Variants in OSTN observed in about 807,000 individuals in gnomAD.
OSTN encodes the protein osteocrin.
Under a neutral mutation model 12.0 loss-of-function variants are expected in OSTN, and 9 were observed. That is an observed-to-expected ratio of 0.75 (90% CI 0.45 to 1.30). The LOEUF (loss-of-function observed/expected upper bound fraction) is 1.30, where lower values mean the gene tolerates loss of function less well. Among genes scored for constraint, OSTN ranks in the 50% most tolerant of loss-of-function variants. The pLI is 0.00. For missense variants in OSTN, 148 were observed against 152.3 expected (o/e 0.97, Z 0.15); for synonymous variants, 59 against 56.9 (o/e 1.04, Z -0.16).
At chr3:191,228,099 G>C (rs1576930034) in intron 3 of OSTN, among the ~76,000 whole-genome samples, 1 of 152,106 alleles carries the variant, frequency 6.6e-6, no homozygotes, top group East Asian at 1.9e-4. Context: ...AAAATGGTTT[G>C]TAATTGATGA....
intron 4 of OSTN, among the ~76,000 whole-genome samples, chr3:191,252,252 A>T (rs1346809110): frequency 6.6e-6 from 1 of 152,120 alleles, no homozygotes; most frequent in Non-Finnish European, 1.5e-5. Context: ...TTTTTAGTAG[A>T]TATGGGGTTT....
chr3:191,203,212 G>T (rs946772750), intron 1 of OSTN, among the ~76,000 whole-genome samples: 1 of 152,140 alleles, frequency 6.6e-6, no homozygotes, highest in African/African-American at 2.4e-5. Context: ...TTCCACATAA[G>T]GCTGCTCCAT....
At chr3:191,256,850 C>A (rs565176972) in intron 4 of OSTN, among the ~76,000 whole-genome samples, 91 of 151,956 alleles carry the variant, frequency 6.0e-4, no homozygotes, top group African/African-American at 2.1e-3. Context: ...TAAAACAATC[C>A]TTAAAACCTC....
intron 4 of OSTN, among the ~76,000 whole-genome samples, chr3:191,260,599 A>T (rs1715784425): frequency 6.6e-6 from 1 of 152,140 alleles, no homozygotes; most frequent in Admixed American, 6.6e-5. Flanking sequence ...TATGGACAGG[A>T]CTTCTTATGA....
At chr3:191,241,234 A>G (rs544783622) in intron 3 of OSTN, among the ~76,000 whole-genome samples, 81 of 120,608 alleles carry the variant, frequency 6.7e-4, no homozygotes, top group African/African-American at 2.4e-3. Context: ...GCTGGAGTGC[A>G]GTGGCGCGAT....
intron 2 of OSTN, among the ~76,000 whole-genome samples, chr3:191,213,861 G>A (rs1714530701): frequency 6.6e-6 from 1 of 151,884 alleles, no homozygotes; most frequent in Non-Finnish European, 1.5e-5. Context: ...AGGATGCTTG[G>A]AAAGATAAAA....
At chr3:191,215,985 C>G (rs1484840489) in intron 2 of OSTN, among the ~76,000 whole-genome samples, 1 of 152,224 alleles carries the variant, frequency 6.6e-6, no homozygotes, top group Non-Finnish European at 1.5e-5. Flanking sequence ...CTCTTCTGCA[C>G]TGTCCTAGCA....
At chr3:191,200,120 A>G (rs1460086586) in intron 1 of OSTN, among the ~76,000 whole-genome samples, 1 of 152,172 alleles carries the variant, frequency 6.6e-6, no homozygotes, top group African/African-American at 2.4e-5. Flanking sequence ...TGGTAATTTT[A>G]ATGCCTATAT....
chr3:191,242,601 C>G (rs982558642), intron 3 of OSTN, among the ~76,000 whole-genome samples: 1 of 152,062 alleles, frequency 6.6e-6, no homozygotes. Flanking sequence ...CTTTATATTG[C>G]TCAATCTGAT....
At chr3:191,209,184 AT>A (rs1714357926) in intron 1 of OSTN, among the ~76,000 whole-genome samples, 1 of 152,156 alleles carries the variant, frequency 6.6e-6, no homozygotes, top group African/African-American at 2.4e-5. Context: ...AAAAAGATAT[AT>A]CGGAAATATG....
chr3:191,236,734 C>A (rs1467196127), intron 3 of OSTN, among the ~76,000 whole-genome samples: 2 of 151,990 alleles, frequency 1.3e-5, no homozygotes, highest in African/African-American at 4.8e-5. Context: ...TTTTCTGGAC[C>A]TGCTAAGTCC....
At chr3:191,207,891 T>C (rs1374787848) in intron 1 of OSTN, among the ~76,000 whole-genome samples, 2 of 152,222 alleles carry the variant, frequency 1.3e-5, no homozygotes, top group Non-Finnish European at 2.9e-5. Context: ...AAAGATCCTT[T>C]CAGGGTATAG....
At chr3:191,204,378 G>A (rs559895409) in intron 1 of OSTN, among the ~76,000 whole-genome samples, 11 of 152,194 alleles carry the variant, frequency 7.2e-5, no homozygotes, top group African/African-American at 2.4e-4. Flanking sequence ...TTTTTATGAG[G>A]ATAATATAGA....
chr3:191,216,057 C>T lies in OSTN; in HGVS notation c.103-2690C>T, dbSNP rs1017007320. Among the ~76,000 whole-genome samples the T allele has an allele frequency of 4.7e-4, 71 of 152,338 alleles. 1 individual carries two copies. Among genetic ancestry groups the T allele is most frequent in the African/African-American group, 1.7e-3 (70 of 41,566 alleles). ...TTCTGCCTGTACATCCAGGTATTTCCATACATCCTCTGAAATCAAGGCAGA... is the reference window on the plus strand; with the variant it reads ...TTCTGCCTGTACATCCAGGTATTTCTATACATCCTCTGAAATCAAGGCAGA... On this transcript the variant is annotated intron_variant, in intron 2 of 4. Transcript: ENST00000682035.
At chr3:191,204,128 G>A (rs184237589) in intron 1 of OSTN, among the ~76,000 whole-genome samples, 4 of 152,300 alleles carry the variant, frequency 2.6e-5, no homozygotes, top group Admixed American at 2.6e-4. Flanking sequence ...GACCTCAGGT[G>A]ATCTGCCCAC....
chr3:191,236,561 A>T (rs1427452170), intron 3 of OSTN, among the ~76,000 whole-genome samples: 1 of 151,904 alleles, frequency 6.6e-6, no homozygotes, highest in African/African-American at 2.4e-5. Flanking sequence ...AAAAAAAAAC[A>T]ATCCTTGGGG....
intron 2 of OSTN, among the ~76,000 whole-genome samples, chr3:191,215,698 C>G (rs1714591088): frequency 1.3e-5 from 2 of 152,310 alleles, no homozygotes; most frequent in South Asian, 4.1e-4. Flanking sequence ...AAAACCATTT[C>G]CTTTGACTCC....
At chr3:191,258,575 G>A (rs1715728527) in intron 4 of OSTN, among the ~76,000 whole-genome samples, 3 of 151,696 alleles carry the variant, frequency 2.0e-5, no homozygotes, top group African/African-American at 7.3e-5. Context: ...GGGTTGATGG[G>A]TGCAGCAAAT....
At chr3:191,200,202 C>T (rs561113325) in intron 1 of OSTN, among the ~76,000 whole-genome samples, 5 of 152,250 alleles carry the variant, frequency 3.3e-5, no homozygotes, top group Non-Finnish European at 4.4e-5. Context: ...TTTGGTACTA[C>T]TCTTCAGCAC....
Sources: allele counts gnomAD v4.1 joint callset (sites outside exome capture counted in the v4.1 genomes callset), GRCh38; gene constraint gnomAD v4.1.1; transcripts MANE v1.5; gene names NCBI Gene and HGNC (gene_info 2026-07-23, HGNC 2026-07-21).